The following RHD variants were observed in gnomAD, a reference collection of about 807,000 sequenced individuals.
RHD encodes the protein Rh blood group D antigen, also known as blood group Rh(D) polypeptide.
RHD carries 16 observed loss-of-function variants against 45.5 expected under a neutral mutation model. That is an observed-to-expected ratio of 0.35 (90% CI 0.24 to 0.53). The LOEUF (loss-of-function observed/expected upper bound fraction) is 0.53. Ranked by LOEUF, RHD falls within the 20% of genes least tolerant of loss-of-function variation. The probability of loss-of-function intolerance (pLI) is 0.92; values close to 1 mark genes in which losing one functional copy is unlikely to be tolerated. For missense variants in RHD, 306 were observed against 532.0 expected (o/e 0.58, Z 4.18); for synonymous variants, 131 against 217.5 (o/e 0.60, Z 3.50).
At position 25,314,398 on chromosome 1, in the gene RHD, C is replaced by G. The variant is rs188527832; in HGVS notation, c.1074-2602C>G. Among the ~76,000 whole-genome samples the G allele has an allele frequency of 3.8e-4, 51 of 132,604 alleles. 2 individuals are homozygous for G. The East Asian group carries it at 7.6e-3, about 20-fold the overall frequency. 87.0% of individuals were successfully genotyped at this position (132,604 alleles called of 152,430 possible). A position where few individuals can be genotyped will look rare whatever the true frequency, so the allele number is the denominator to read the frequency against. ...GAAATGTCTATTCAAGTTAGTTTGCCCATTTTCTATTGTGGTGTTCTGTCT... is the reference window on the plus strand; with the variant it reads ...GAAATGTCTATTCAAGTTAGTTTGCGCATTTTCTATTGTGGTGTTCTGTCT... On this transcript the variant is annotated intron_variant, in intron 7 of 9. Transcript: ENST00000328664.
At position 25,328,949 on chromosome 1, in the gene RHD, G is replaced by T. The variant is rs546926765; in HGVS notation, c.*25G>T. 9.9e-6 allele frequency: 13 copies of T among 1,318,486 alleles called. 4 individuals carry two copies. The highest frequency in any genetic ancestry group is 1.4e-5 in the Non-Finnish European group (13 of 932,108). 81.7% of individuals were successfully genotyped at this position (1,318,486 alleles called of 1,614,324 possible). On this transcript the variant is annotated 3_prime_UTR_variant, in exon 10 of 10. Coordinates refer to ENST00000328664, the MANE Select transcript of RHD (RefSeq NM_016124.6). ...AGCAAAAGCATCCAAGAAAAACAAG[G>T]CCTGTTCAAAAACAAGACAACTTCC...
At position 25,284,712 on chromosome 1, in the gene RHD, C is replaced by T. The variant is rs1269815381; in HGVS notation, c.288C>T (p.Gly96=). The stretch of plus-strand genomic sequence containing the variant: ...TGCAGTGGGCAATCCTGCTGGACGG[C>T]TTCCTGAGCCAGTTCCCTTCTGGGA... The part of the protein sequence containing the change: ...LGVQWAILLD[G]FLSQFPSGKV... Residue 96 remains glycine, a synonymous_variant, in exon 2 of 10, where the codon GGC becomes GGT. Coordinates refer to ENST00000328664, the MANE Select transcript of RHD (RefSeq NM_016124.6). 7.2e-7 allele frequency: 1 copy of T among 1,388,748 alleles called. No individual in the cohort carries two copies. The highest frequency in any genetic ancestry group is 1.0e-6 in the Non-Finnish European group (1 of 985,592). The allele number at this position is 1,388,748 out of a possible 1,614,324, so 86.0% of individuals were successfully genotyped here.
chr1:25,306,457 G>A, intron 6 of RHD, 139 bp from the exon 7 acceptor site: 1 of 849,684 alleles, frequency 1.2e-6, no homozygotes, highest in South Asian at 1.4e-5. Flanking sequence ...GCACATTCAA[G>A]TCTGAGAAGG....
intron 3 of RHD, among the ~76,000 whole-genome samples, chr1:25,300,242 G>A (rs1355295632): frequency 7.6e-6 from 1 of 131,206 alleles, no homozygotes; most frequent in Non-Finnish European, 1.8e-5. Context: ...CTGATAGGCC[G>A]GGTGTGGTGG....
At chr1:25,292,357 G>A (rs1642582046) in intron 3 of RHD, among the ~76,000 whole-genome samples, 1 of 132,664 alleles carries the variant, frequency 7.5e-6, no homozygotes, top group Admixed American at 7.4e-5. Flanking sequence ...GGAAGCAGGT[G>A]GAGACCAGAG....
Position 25,294,083 on chromosome 1 carries a change from T to G in RHD, c.486+3292T>G, listed in dbSNP as rs1358505576. On this transcript the variant is annotated intron_variant, in intron 3 of 9. Transcript: ENST00000328664. The stretch of plus-strand genomic sequence containing the variant: ...ACCAATGGGCTTATCTGTTATTTCT[T>G]CCTTATTGTGAGCTTAATGGCATGA... 4.4e-6 allele frequency: 3 copies of G among 674,966 alleles called. 1 individual carries two copies. Among genetic ancestry groups the G allele is most frequent in the Non-Finnish European group, 8.3e-6 (3 of 361,934 alleles). The allele number at this position is 674,966 out of a possible 1,614,324, so 41.8% of individuals were successfully genotyped here.
chr1:25,291,642 A>G (rs1642518878), intron 3 of RHD, among the ~76,000 whole-genome samples: 2 of 132,718 alleles, frequency 1.5e-5, no homozygotes, highest in East Asian at 3.9e-4. Context: ...ATGGTTATAT[A>G]AAAGTAATTA....
At chr1:25,315,148 C>G (rs1644371159) in intron 7 of RHD, among the ~76,000 whole-genome samples, 1 of 129,582 alleles carries the variant, frequency 7.7e-6, no homozygotes, top group Admixed American at 7.6e-5. Flanking sequence ...CAGCAAGACT[C>G]CATCTCAAAA....
At chr1:25,284,908 C>T in intron 2 of RHD, 149 bp downstream of exon 2, 3 of 1,050,970 alleles carry the variant, frequency 2.9e-6, no homozygotes, top group Non-Finnish European at 4.2e-6. Flanking sequence ...AAAGATTATT[C>T]ATTGTTTAAA....
rs376427150 is a variant in RHD, at chr1:25,300,978, C to T, written c.519C>T (p.Tyr173=). 1.2e-5 allele frequency: 17 copies of T among 1,374,616 alleles called. 4 individuals carry two copies. The Admixed American group carries it at 1.2e-4, about 10-fold the overall frequency. 85.2% of individuals were successfully genotyped at this position (1,374,616 alleles called of 1,614,324 possible). A position where few individuals can be genotyped will look rare whatever the true frequency, so the allele number is the denominator to read the frequency against. ...TDYHMNMMHI[Y]VFAAYFGLSV... ...ACCACATGAACATGATGCACATCTACGTGTTCGCAGCCTATTTTGGGCTGT... is the reference window on the plus strand; with the variant it reads ...ACCACATGAACATGATGCACATCTATGTGTTCGCAGCCTATTTTGGGCTGT... The change falls in exon 4 of 10, where the codon TAC becomes TAT. Residue 173 remains tyrosine, a synonymous_variant. Transcript: ENST00000328664.
rs574779344 is a variant in RHD at position 25,286,642 on chromosome 1, C to T, written c.335+1883C>T. 5.3e-5 allele frequency among the ~76,000 whole-genome samples: 7 copies of T among 132,582 alleles called. No individual in the cohort carries two copies. The East Asian group carries it at 9.7e-4, about 18-fold the overall frequency. 87.0% of individuals were successfully genotyped at this position (132,582 alleles called of 152,430 possible). On this transcript the variant is annotated intron_variant, in intron 2 of 9. Coordinates refer to ENST00000328664, the MANE Select transcript of RHD (RefSeq NM_016124.6). ...TCTACTAAAAATACAAAAAATTAGC[C>T]GGGCGTGGTGGTGGGCGCCTGTAGT...
intron 1 of RHD, among the ~76,000 whole-genome samples, chr1:25,276,591 A>G (rs147956456): frequency 0.025 from 3,047 of 122,514 alleles, 385 homozygotes; most frequent in African/African-American, 0.082. Context: ...GCACATGCCT[A>G]TAGTCCCAGC....
intron 3 of RHD, among the ~76,000 whole-genome samples, chr1:25,296,243 CTTTTTTT>C (rs894411494): frequency 2.6e-5 from 3 of 115,386 alleles, no homozygotes; most frequent in African/African-American, 8.7e-5. Context: ...GTGTACATTT[CTTTTTTT>C]TTTTTTCTTT....
At chr1:25,316,506 G>C (rs950359776) in intron 7 of RHD, among the ~76,000 whole-genome samples, 2 of 115,522 alleles carry the variant, frequency 1.7e-5, no homozygotes, top group African/African-American at 5.8e-5. Context: ...TGTAGTCCCA[G>C]CTACTTGAGG....
chr1:25,291,377 G>A (rs1340934847), intron 3 of RHD, among the ~76,000 whole-genome samples: 1 of 132,346 alleles, frequency 7.6e-6, no homozygotes, highest in Non-Finnish European at 1.8e-5. Context: ...GCTGAGGCAA[G>A]AGAATCGCTT....
Position 25,314,638 on chromosome 1 carries a change from C to T in RHD, c.1074-2362C>T, listed in dbSNP as rs113938296. On this transcript the variant is annotated intron_variant, in intron 7 of 9. Coordinates refer to ENST00000328664, the MANE Select transcript of RHD (RefSeq NM_016124.6). ...CCTCCTGAGTAGCTTAGATTACAGG[C>T]GCATGCCACCATGCCCAGCTAACTT... 9.1e-5 allele frequency among the ~76,000 whole-genome samples: 12 copies of T among 132,350 alleles called. 1 individual carries two copies. Among genetic ancestry groups the T allele is most frequent in the South Asian group, 2.3e-4 (1 of 4,314 alleles). The allele number at this position is 132,350 out of a possible 152,430, so 86.8% of individuals were successfully genotyped here.
At position 25,294,144 on chromosome 1, in the gene RHD, A is replaced by G; in HGVS notation, c.486+3353A>G. 1.1e-5 allele frequency: 7 copies of G among 662,832 alleles called. 2 individuals are homozygous for G. Among genetic ancestry groups the G allele is most frequent in the Non-Finnish European group, 1.7e-5 (6 of 348,340 alleles). The allele number at this position is 662,832 out of a possible 1,614,324, so 41.1% of individuals were successfully genotyped here. A position where few individuals can be genotyped will look rare whatever the true frequency, so the allele number is the denominator to read the frequency against. On this transcript the variant is annotated intron_variant, in intron 3 of 9. Transcript: ENST00000328664. ...GCAAAGAGGCATACATCAATTCTTC[A>G]AAGTAGGAAGTCAAAAAGGTCAGAG... is the stretch of plus-strand genomic sequence containing the variant.
chr1:25,297,662 C>T (rs954242954), intron 3 of RHD, among the ~76,000 whole-genome samples: 1 of 132,192 alleles, frequency 7.6e-6, no homozygotes, highest in Admixed American at 7.4e-5. Context: ...TCACCATGGG[C>T]TCCTGGATTC....
chr1:25,282,513 C>T lies in RHD; in HGVS notation c.149-2060C>T, dbSNP rs1364945993. ...CTCCTAAATTGGTATCTTTATATGT[C>T]CAAAAGAGTCAACTGGTGGCAATTT... On this transcript the variant is annotated intron_variant, in intron 1 of 9. Coordinates refer to ENST00000328664, the MANE Select transcript of RHD (RefSeq NM_016124.6). 1.5e-5 allele frequency among the ~76,000 whole-genome samples: 2 copies of T among 131,966 alleles called. 1 individual carries two copies. The highest frequency in any genetic ancestry group is 3.6e-5 in the Non-Finnish European group (2 of 55,780). 86.6% of individuals were successfully genotyped at this position (131,966 alleles called of 152,430 possible). A position where few individuals can be genotyped will look rare whatever the true frequency, so the allele number is the denominator to read the frequency against.
Sources: gnomAD v4.1 joint callset for allele counts (sites outside exome capture counted in the v4.1 genomes callset) on GRCh38, gnomAD v4.1.1 for gene constraint, MANE v1.5 for transcripts, NCBI Gene and HGNC (gene_info 2026-07-23, HGNC 2026-07-21) for gene names.